KALRN: variants seen among roughly 807,000 people sequenced by gnomAD.
The protein encoded by KALRN is kalirin.
A neutral mutation model predicts 353.7 loss-of-function variants in KALRN; 70 were observed. The observed-to-expected ratio is 0.20, with a 90% CI of 0.16 to 0.24. The LOEUF (loss-of-function observed/expected upper bound fraction) is 0.24. Ranked by LOEUF, KALRN falls within the 10% of genes least tolerant of loss-of-function variation. KALRN has a pLI of 1.00. For missense variants in KALRN, 2,791 were observed against 3,756.7 expected (o/e 0.74, Z 6.72); for synonymous variants, 1,391 against 1,434.8 (o/e 0.97, Z 0.69).
At chr3:124,515,984 C>A (rs986726865) in intron 33 of KALRN, among the ~76,000 whole-genome samples, 1 of 152,170 alleles carries the variant, frequency 6.6e-6, no homozygotes, top group Non-Finnish European at 1.5e-5. Context: ...AGTTTATCAC[C>A]TATTTCCTAT....
chr3:124,328,404 G>A (rs866602803), intron 7 of KALRN, among the ~76,000 whole-genome samples: 8 of 152,140 alleles, frequency 5.3e-5, no homozygotes, highest in South Asian at 2.1e-4. Context: ...TGAGGTGATC[G>A]TTTTGTGGGA....
At chr3:124,491,711 C>G (rs2063179163) in intron 31 of KALRN, 1 of 277,422 alleles carries the variant, frequency 3.6e-6, no homozygotes, top group Non-Finnish European at 6.7e-6. Flanking sequence ...AAACTGTGCT[C>G]TGTCCGTATC....
chr3:124,520,799 G>A (rs2067100013), intron 33 of KALRN, among the ~76,000 whole-genome samples: 2 of 152,344 alleles, frequency 1.3e-5, no homozygotes, highest in Admixed American at 6.5e-5. Flanking sequence ...CTGACACCAA[G>A]TACCAGGAAG....
intron 1 of KALRN, among the ~76,000 whole-genome samples, chr3:124,058,673 G>A (rs957193385): frequency 3.3e-5 from 5 of 152,074 alleles, no homozygotes; most frequent in African/African-American, 1.2e-4. Context: ...GGATTTTTCT[G>A]GGAATTTCTT....
At chr3:124,689,076 G>A (rs191715423) in intron 51 of KALRN, among the ~76,000 whole-genome samples, 10 of 152,276 alleles carry the variant, frequency 6.6e-5, no homozygotes, top group Non-Finnish European at 1.2e-4. Context: ...TCTTTCCCAC[G>A]GTGTCTACAC....
At chr3:124,271,044 G>T (rs1201038201) in intron 5 of KALRN, among the ~76,000 whole-genome samples, 1 of 152,106 alleles carries the variant, frequency 6.6e-6, no homozygotes, top group Non-Finnish European at 1.5e-5. Flanking sequence ...TGTTAGCCAG[G>T]ATGGTCTCGA....
chr3:124,655,687 T>A lies in KALRN; in HGVS notation c.5862+20T>A. 1 of 1,605,464 alleles carries A rather than the reference T, an allele frequency of 6.2e-7. No individual in the cohort carries two copies. Among genetic ancestry groups the A allele is most frequent in the Non-Finnish European group, 8.5e-7 (1 of 1,172,124 alleles). On this transcript the variant is annotated intron_variant, in intron 39 of 59. Coordinates refer to ENST00000682506, the MANE Select transcript of KALRN (RefSeq NM_001388419.1). ...GTGGAGGTAAGTAGAGGGTTCCAGG[T>A]GGGTCTGTGGTCACCCAACCAGGAG...
At chr3:124,347,687 G>T (rs1248902993) in intron 10 of KALRN, among the ~76,000 whole-genome samples, 1 of 152,096 alleles carries the variant, frequency 6.6e-6, no homozygotes, top group Non-Finnish European at 1.5e-5. Flanking sequence ...GATTGTCACT[G>T]CCAGTGAGTG....
At chr3:124,429,672 G>A (rs1161887118) in intron 15 of KALRN, among the ~76,000 whole-genome samples, 1 of 152,132 alleles carries the variant, frequency 6.6e-6, no homozygotes, top group Non-Finnish European at 1.5e-5. Context: ...ACCTAGAACT[G>A]TCTAGACAGT....
intron 6 of KALRN, among the ~76,000 whole-genome samples, chr3:124,325,264 A>G (rs549238308): frequency 6.6e-6 from 1 of 152,290 alleles, no homozygotes; most frequent in South Asian, 2.1e-4. Flanking sequence ...TGGGGTACCC[A>G]CAGATGCCTT....
intron 11 of KALRN, among the ~76,000 whole-genome samples, chr3:124,389,675 T>G (rs2089022895): frequency 6.6e-6 from 1 of 152,256 alleles, no homozygotes; most frequent in South Asian, 2.1e-4. Context: ...TGCCGAAGAT[T>G]ATTAATGACA....
chr3:124,634,398 A>T (rs895750638), intron 36 of KALRN, among the ~76,000 whole-genome samples: 1 of 152,226 alleles, frequency 6.6e-6, no homozygotes, highest in Non-Finnish European at 1.5e-5. Flanking sequence ...AAATTTTGCA[A>T]TGACGGTATG....
chr3:124,581,357 C>T (rs2074608937), intron 34 of KALRN, among the ~76,000 whole-genome samples: 1 of 149,158 alleles, frequency 6.7e-6, no homozygotes, highest in Middle Eastern at 3.4e-3. Flanking sequence ...CGTGCCACTG[C>T]GCTCTAGCCT....
In KALRN at chr3:124,101,082, G is replaced by A. The variant is rs116292537; in HGVS notation, c.73+67269G>A. ...GCTAAGGAACAAACTGTGTAAGAACGCAATCTTTTGGATACACCTCATGCA... is the reference window on the plus strand; with the variant it reads ...GCTAAGGAACAAACTGTGTAAGAACACAATCTTTTGGATACACCTCATGCA... On this transcript the variant is annotated intron_variant, in intron 1 of 59. Coordinates refer to ENST00000682506, the MANE Select transcript of KALRN (RefSeq NM_001388419.1). Among the ~76,000 whole-genome samples the A allele has an allele frequency of 9.3e-3, 1,422 of 152,250 alleles. 11 individuals are homozygous for A. The highest frequency in any genetic ancestry group is 0.015 in the Non-Finnish European group (1,041 of 68,016).
chr3:124,449,281 C>T (rs1016871154), intron 21 of KALRN, among the ~76,000 whole-genome samples: 6 of 151,926 alleles, frequency 3.9e-5, no homozygotes, highest in East Asian at 1.9e-4. Context: ...AAGGAACAGA[C>T]CAAGTAGAAG....
chr3:124,638,429 G>C lies in KALRN; in HGVS notation c.5664+1126G>C, dbSNP rs868759346. ...CCTGCCATCTTTCCTTTTCCTACCA[G>C]CAGGAGTTAAGTACTCTTCTGGGCA... is the stretch of plus-strand genomic sequence containing the variant. On this transcript the variant is annotated intron_variant, in intron 37 of 59. Coordinates refer to ENST00000682506, the MANE Select transcript of KALRN (RefSeq NM_001388419.1). 1.7e-4 allele frequency among the ~76,000 whole-genome samples: 26 copies of C among 151,594 alleles called. 1 individual carries two copies. The highest frequency in any genetic ancestry group is 7.0e-3 in the Middle Eastern group (2 of 286).
chr3:124,478,659 T>G (rs1381970525), intron 27 of KALRN, among the ~76,000 whole-genome samples: 1 of 152,246 alleles, frequency 6.6e-6, no homozygotes, highest in East Asian at 1.9e-4. Context: ...TCATATTGGA[T>G]GCCCTCTGCC....
intron 34 of KALRN, among the ~76,000 whole-genome samples, chr3:124,621,506 G>GAGATGGA (rs940721284): frequency 6.6e-5 from 10 of 152,218 alleles, no homozygotes; most frequent in African/African-American, 2.4e-4. Context: ...GGATGACTAA[G>GAGATGGA]AGATGGAAGA....
At chr3:124,338,818 G>T (rs1434026516) in intron 9 of KALRN, among the ~76,000 whole-genome samples, 1 of 152,074 alleles carries the variant, frequency 6.6e-6, no homozygotes, top group Admixed American at 6.5e-5. Flanking sequence ...GGGTGCTCCT[G>T]TATTGGATGC....
Sources: gnomAD v4.1 joint callset for allele counts (sites outside exome capture counted in the v4.1 genomes callset) on GRCh38, gnomAD v4.1.1 for gene constraint, MANE v1.5 for transcripts, NCBI Gene and HGNC (gene_info 2026-07-23, HGNC 2026-07-21) for gene names.